OLFM3: variants seen among roughly 807,000 people sequenced by gnomAD.
OLFM3 encodes the protein noelin-3.
OLFM3 carries 20 observed loss-of-function variants against 48.6 expected under a neutral mutation model. That is an observed-to-expected ratio of 0.41 (90% confidence interval 0.29 to 0.60). The LOEUF is 0.60. Among genes scored for constraint, OLFM3 ranks in the 20% least tolerant of loss-of-function variants. The probability of loss-of-function intolerance (pLI) is 0.28; values close to 1 mark genes in which losing one functional copy is unlikely to be tolerated. For synonymous variants in OLFM3, 222 were observed against 198.1 expected, an observed-to-expected ratio of 1.12 and a Z score of -1.01; for missense variants, 437 against 544.3, an observed-to-expected ratio of 0.80 and a Z score of 1.96.
intron 1 of OLFM3, among the ~76,000 whole-genome samples, chr1:101,881,910 C>T (rs1221020632): frequency 4.6e-5 from 7 of 151,600 alleles, no homozygotes; most frequent in Non-Finnish European, 4.4e-5. Flanking sequence ...CCTCTTCCAC[C>T]TCTCTTTGCC....
chr1:101,975,810 T>C (rs181081649), intron 1 of OLFM3, among the ~76,000 whole-genome samples: 1 of 152,118 alleles, frequency 6.6e-6, no homozygotes, highest in African/African-American at 2.4e-5. Flanking sequence ...GGAAAGAATA[T>C]TCAGGAGACA....
At chr1:101,907,311 A>G (rs567200861) in intron 1 of OLFM3, among the ~76,000 whole-genome samples, 40 of 152,356 alleles carry the variant, frequency 2.6e-4, no homozygotes, top group African/African-American at 9.6e-4. Context: ...AATTATTGGG[A>G]CTATTTATAT....
At chr1:101,987,350 C>A (rs1478082849) in intron 1 of OLFM3, among the ~76,000 whole-genome samples, 2 of 152,136 alleles carry the variant, frequency 1.3e-5, no homozygotes, top group Non-Finnish European at 2.9e-5. Flanking sequence ...TCATTTTATT[C>A]TCTGTTTCTA....
intron 1 of OLFM3, among the ~76,000 whole-genome samples, chr1:101,892,587 G>A (rs955747891): frequency 6.6e-6 from 1 of 151,768 alleles, no homozygotes; most frequent in Non-Finnish European, 1.5e-5. Flanking sequence ...CTCTCCCATT[G>A]CCACCCTTTC....
intron 4 of OLFM3, among the ~76,000 whole-genome samples, chr1:101,811,164 A>G (rs1227025093): frequency 6.6e-6 from 1 of 152,036 alleles, no homozygotes; most frequent in African/African-American, 2.4e-5. Context: ...TATGAAACAA[A>G]CATAATGTAA....
At chr1:101,834,764 A>G (rs1655322912) in intron 2 of OLFM3, among the ~76,000 whole-genome samples, 1 of 152,212 alleles carries the variant, frequency 6.6e-6, no homozygotes, top group South Asian at 2.1e-4. Flanking sequence ...TTTTAAAGGT[A>G]TTATGTTCTA....
chr1:101,833,668 G>A (rs1400653122), intron 2 of OLFM3, among the ~76,000 whole-genome samples: 1 of 151,704 alleles, frequency 6.6e-6, no homozygotes, highest in African/African-American at 2.4e-5. Flanking sequence ...AAGATATCTG[G>A]GGCTTTTCTG....
intron 4 of OLFM3, among the ~76,000 whole-genome samples, chr1:101,807,076 T>TA (rs1653811299): frequency 6.6e-6 from 1 of 151,832 alleles, no homozygotes; most frequent in Non-Finnish European, 1.5e-5. Flanking sequence ...CTGGATTATA[T>TA]TAGTTTGGGT....
At position 101,867,142 on chromosome 1, in the gene OLFM3, T is replaced by A. The variant is rs1253242460; in HGVS notation, c.70-30117A>T. Reference sequence around the variant, plus strand: ...GGTCAATTTGCATTGCTATACTTATTTTAATGATGAGTAATTGGTGTGGCC... The same window carrying A: ...GGTCAATTTGCATTGCTATACTTATATTAATGATGAGTAATTGGTGTGGCC... On this transcript the variant is annotated intron_variant, in intron 1 of 5. Coordinates refer to ENST00000370103, the MANE Select transcript of OLFM3 (RefSeq NM_058170.4). 2.6e-5 allele frequency among the ~76,000 whole-genome samples: 4 copies of A among 152,208 alleles called. No homozygotes were observed. In the East Asian group the frequency reaches 7.7e-4, roughly 29 times the overall value.
At chr1:101,817,267 A>G (rs1318048228) in intron 4 of OLFM3, among the ~76,000 whole-genome samples, 1 of 152,146 alleles carries the variant, frequency 6.6e-6, no homozygotes, top group Admixed American at 6.5e-5. Context: ...TGGATGGCAA[A>G]GAAGGAAGTT....
intron 1 of OLFM3, among the ~76,000 whole-genome samples, chr1:101,921,912 A>G (rs1659107477): frequency 6.6e-6 from 1 of 152,164 alleles, no homozygotes; most frequent in Non-Finnish European, 1.5e-5. Flanking sequence ...ACAAAAAATT[A>G]GCCGGGCATG....
chr1:101,907,383 C>A (rs1190518126), intron 1 of OLFM3, among the ~76,000 whole-genome samples: 4 of 152,140 alleles, frequency 2.6e-5, no homozygotes, highest in Non-Finnish European at 5.9e-5. Context: ...GTATTAAATG[C>A]AGACAATGGG....
intron 1 of OLFM3, chr1:101,846,734 G>T: frequency 1.4e-6 from 1 of 708,158 alleles, no homozygotes; most frequent in Non-Finnish European, 2.5e-6. Context: ...CTACATTTTT[G>T]AAGCTGACCT....
chr1:101,835,640 G>C (rs1302739567), intron 2 of OLFM3, among the ~76,000 whole-genome samples: 2 of 152,158 alleles, frequency 1.3e-5, no homozygotes, highest in African/African-American at 4.8e-5. Context: ...ATAGTTAGAT[G>C]CATGTTAGCT....
intron 1 of OLFM3, among the ~76,000 whole-genome samples, chr1:101,990,000 C>T (rs1290214390): frequency 6.6e-6 from 1 of 152,130 alleles, no homozygotes; most frequent in Non-Finnish European, 1.5e-5. Flanking sequence ...TGCACACTGG[C>T]CATAAAAAAC....
intron 1 of OLFM3, among the ~76,000 whole-genome samples, chr1:101,962,066 T>C (rs1361399487): frequency 1.3e-5 from 2 of 152,166 alleles, no homozygotes; most frequent in African/African-American, 2.4e-5. Flanking sequence ...TGCCGTGTAA[T>C]AGGTGTAGAG....
chr1:101,868,010 G>A (rs2209790), intron 1 of OLFM3, among the ~76,000 whole-genome samples: 6,244 of 152,256 alleles, frequency 0.041, 412 homozygotes, highest in East Asian at 0.32. Flanking sequence ...GAAGAAGGAT[G>A]TGTTTGCTTC....
intron 1 of OLFM3, among the ~76,000 whole-genome samples, chr1:101,983,324 C>T (rs1382520555): frequency 2.0e-5 from 3 of 152,180 alleles, no homozygotes; most frequent in Non-Finnish European, 4.4e-5. Context: ...TTTAAGGATT[C>T]CTGTCCCCAG....
intron 4 of OLFM3, among the ~76,000 whole-genome samples, chr1:101,813,493 A>G (rs1300234862): frequency 6.6e-6 from 1 of 152,174 alleles, no homozygotes; most frequent in East Asian, 1.9e-4. Context: ...ATTTCACCAT[A>G]GCTCACCGAT....
Sources: gnomAD v4.1 joint callset for allele counts (sites outside exome capture counted in the v4.1 genomes callset) on GRCh38, gnomAD v4.1.1 for gene constraint, MANE v1.5 for transcripts, NCBI Gene and HGNC (gene_info 2026-07-23, HGNC 2026-07-21) for gene names.